The following RANBP17 variants were observed in gnomAD, a reference collection of about 807,000 sequenced individuals.
The protein encoded by RANBP17 is RAN binding protein 17, also known as ran-binding protein 17.
Under a neutral mutation model 141.2 loss-of-function variants are expected in RANBP17, and 158 were observed. That is an observed-to-expected ratio of 1.12 (90% confidence interval 0.98 to 1.28). RANBP17 has a LOEUF of 1.28. RANBP17 is among the 50% of genes most tolerant of loss of function. RANBP17 has a pLI of 0.00. For missense variants in RANBP17, 1,438 were observed against 1,290.7 expected, an observed-to-expected ratio of 1.11 and a Z score of -1.75; for synonymous variants, 430 against 450.0, an observed-to-expected ratio of 0.96 and a Z score of 0.56.
chr5:171,179,493 T>C (rs1344294645), intron 16 of RANBP17, among the ~76,000 whole-genome samples: 1 of 152,178 alleles, frequency 6.6e-6, no homozygotes, highest in African/African-American at 2.4e-5. Flanking sequence ...TTCTGACATG[T>C]AATATTGTCA....
intron 14 of RANBP17, among the ~76,000 whole-genome samples, chr5:170,977,123 A>G (rs1340794602): frequency 6.6e-6 from 1 of 152,112 alleles, no homozygotes; most frequent in African/African-American, 2.4e-5. Flanking sequence ...TAGAATCTAT[A>G]AAGAATTCTT....
chr5:171,151,274 C>T (rs773405102), intron 14 of RANBP17, among the ~76,000 whole-genome samples: 1 of 152,078 alleles, frequency 6.6e-6, no homozygotes, highest in South Asian at 2.1e-4. Flanking sequence ...ATAAAGACCA[C>T]CGAAATCAAT....
intron 1 of RANBP17, among the ~76,000 whole-genome samples, chr5:170,875,390 G>A (rs1478132168): frequency 6.6e-6 from 1 of 152,122 alleles, no homozygotes; most frequent in Non-Finnish European, 1.5e-5. Flanking sequence ...AAGTTTTCCT[G>A]GATGATATCC....
intron 23 of RANBP17, among the ~76,000 whole-genome samples, chr5:171,242,224 G>A (rs561680644): frequency 1.4e-4 from 21 of 152,196 alleles, no homozygotes; most frequent in South Asian, 4.1e-4. Context: ...TGCCTGTAGT[G>A]TATGGTAAAT....
rs1554127526 is a variant in RANBP17 at position 171,274,152 on chromosome 5, G to GCA, written c.2943+8306_2943+8307insAC. On this transcript the variant is annotated intron_variant, in intron 25 of 27. Coordinates refer to ENST00000523189, the MANE Select transcript of RANBP17 (RefSeq NM_022897.5). ...TGTGTGTGTGTGTGTGTGTGTGTGC[G>GCA]CGCGCGCGCGCGTGCGCAAAATCTA... Among the ~76,000 whole-genome samples, 88 of 96,020 alleles carry GCA rather than the reference G, an allele frequency of 9.2e-4. No individual in the cohort carries two copies. In the East Asian group the frequency reaches 0.015, roughly 16 times the overall value. 63.0% of individuals were successfully genotyped at this position (96,020 alleles called of 152,430 possible).
intron 3 of RANBP17, among the ~76,000 whole-genome samples, chr5:170,883,272 T>C (rs563210029): frequency 1.3e-5 from 2 of 152,346 alleles, no homozygotes; most frequent in South Asian, 4.1e-4. Flanking sequence ...ACACATCTTT[T>C]AAATAGACTT....
intron 14 of RANBP17, among the ~76,000 whole-genome samples, chr5:171,064,830 A>G (rs1784201706): frequency 6.6e-6 from 1 of 151,380 alleles, no homozygotes; most frequent in African/African-American, 2.4e-5. Context: ...CTCCCTGCCC[A>G]TTTTTCTATA....
At position 171,251,541 on chromosome 5, in the gene RANBP17, GAA is replaced by G. The variant is rs75734200; in HGVS notation, c.2776+8736_2776+8737del. ...ATTGGGTCAATGTAAAATTATAGTG[GAA>G]AAAAAAAAAAAAAACTTCTTGAAAC... On this transcript the variant is annotated intron_variant, in intron 24 of 27. Transcript: ENST00000523189. Among the ~76,000 whole-genome samples the G allele has an allele frequency of 2.7e-3, 331 of 120,904 alleles. 2 individuals carry two copies. The highest frequency in any genetic ancestry group is 8.7e-3 in the African/African-American group (296 of 33,900). 79.3% of individuals were successfully genotyped at this position (120,904 alleles called of 152,430 possible). A position where few individuals can be genotyped will look rare whatever the true frequency, so the allele number is the denominator to read the frequency against.
intron 21 of RANBP17, among the ~76,000 whole-genome samples, chr5:171,219,848 G>A (rs573956652): frequency 1.3e-5 from 2 of 151,876 alleles, no homozygotes; most frequent in Non-Finnish European, 2.9e-5. Context: ...TGCTCCTTTA[G>A]CTTGGAGGAG....
At chr5:171,265,996 G>A (rs1766649830) in intron 25 of RANBP17, 149 bp downstream of exon 25, 1 of 631,468 alleles carries the variant, frequency 1.6e-6, no homozygotes, top group African/African-American at 1.9e-5. Context: ...TATTTTCCCT[G>A]AACGTGGAGG....
chr5:171,104,891 A>G (rs79491203), intron 14 of RANBP17, among the ~76,000 whole-genome samples: 3,438 of 152,244 alleles, frequency 0.023, 144 homozygotes, highest in African/African-American at 0.079. Context: ...ATTATTATCA[A>G]CTTTGAATAT....
chr5:170,939,893 G>C lies in RANBP17; in HGVS notation c.1469-13704G>C, dbSNP rs529947721. Among the ~76,000 whole-genome samples, 3 of 152,232 alleles carry C rather than the reference G, an allele frequency of 2.0e-5. No individual in the cohort carries two copies. The South Asian group carries it at 6.2e-4, about 32-fold the overall frequency. On this transcript the variant is annotated intron_variant, in intron 12 of 27. Transcript: ENST00000523189. ...AGCACTTCAAGGGTAACAACTAAAA[G>C]AGTAGAAACTGTATGATTGTCTCCC...
chr5:171,147,657 A>G (rs1026548640), intron 14 of RANBP17, among the ~76,000 whole-genome samples: 5 of 151,086 alleles, frequency 3.3e-5, no homozygotes, highest in Non-Finnish European at 7.4e-5. Context: ...TTCATGATCC[A>G]CCCACTTCAG....
At position 171,170,136 on chromosome 5, in the gene RANBP17, G is replaced by A; in HGVS notation, c.1717G>A (p.Ala573Thr). 1 of 1,562,062 alleles carries A rather than the reference G, an allele frequency of 6.4e-7. No individual in the cohort carries two copies. Among genetic ancestry groups the A allele is most frequent in the Non-Finnish European group, 8.7e-7 (1 of 1,145,412 alleles). The part of the protein sequence containing the change: ...DQLQRTSKVY[A>T]RMSEVLGITD... ...ATGAAATGTTTTAATGCAGGTATAT[G>A]CTCGTATGTCAGAAGTCTTAGGAAT... Residue 573 changes from alanine (A) to threonine (T), a missense_variant, in exon 15 of 28, where the codon GCT becomes ACT. Physicochemically the swap from Ala to Thr is moderately conservative, Grantham distance 58. Transcript: ENST00000523189.
At chr5:170,969,674 A>AG (rs1776848573) in intron 14 of RANBP17, among the ~76,000 whole-genome samples, 1 of 152,012 alleles carries the variant, frequency 6.6e-6, no homozygotes, top group African/African-American at 2.4e-5. Context: ...GGCACCTGGA[A>AG]GGAACTATGT....
chr5:170,960,835 T>C (rs1410187120), intron 13 of RANBP17, among the ~76,000 whole-genome samples: 1 of 152,236 alleles, frequency 6.6e-6, no homozygotes, highest in Non-Finnish European at 1.5e-5. Context: ...TTTTCTGCCA[T>C]TCACTACATT....
intron 14 of RANBP17, among the ~76,000 whole-genome samples, chr5:171,039,218 C>T (rs1413513728): frequency 6.9e-6 from 1 of 145,030 alleles, no homozygotes; most frequent in Non-Finnish European, 1.5e-5. Flanking sequence ...TCCTTTTTCT[C>T]TATAGCCTTG....
intron 4 of RANBP17, among the ~76,000 whole-genome samples, chr5:170,893,565 G>A (rs541834712): frequency 5.3e-4 from 81 of 152,120 alleles, no homozygotes; most frequent in African/African-American, 1.5e-3. Context: ...AGGCCAAGGC[G>A]TGCGGATCAT....
At chr5:170,961,130 A>G (rs1776125482) in intron 13 of RANBP17, among the ~76,000 whole-genome samples, 1 of 152,208 alleles carries the variant, frequency 6.6e-6, no homozygotes, top group African/African-American at 2.4e-5. Flanking sequence ...ATATTAGGAA[A>G]TAGCATTTGT....
Sources: allele counts gnomAD v4.1 joint callset (sites outside exome capture counted in the v4.1 genomes callset), GRCh38; gene constraint gnomAD v4.1.1; transcripts MANE v1.5; gene names NCBI Gene and HGNC (gene_info 2026-07-23, HGNC 2026-07-21).